DGKD: variants seen among roughly 807,000 people sequenced by gnomAD.
The protein encoded by DGKD is diacylglycerol kinase delta.
A neutral mutation model predicts 154.4 loss-of-function variants in DGKD; 68 were observed. The ratio of observed to expected loss-of-function variants is 0.44; its 90% CI spans 0.36 to 0.54. The LOEUF (loss-of-function observed/expected upper bound fraction) is 0.54, where lower values mean the gene tolerates loss of function less well. DGKD is among the 20% of genes least tolerant of loss of function. The pLI is 0.00. For synonymous variants in DGKD, 693 were observed against 638.0 expected (o/e 1.09, Z -1.30); for missense variants, 1,343 against 1,593.6 (o/e 0.84, Z 2.68).
intron 3 of DGKD, among the ~76,000 whole-genome samples, chr2:233,425,483 G>A (rs1431458351): frequency 6.6e-6 from 1 of 152,088 alleles, no homozygotes; most frequent in Non-Finnish European, 1.5e-5. Context: ...CACTGTGCCC[G>A]GCCGACTTTA....
In DGKD at chr2:233,449,150, C is replaced by T. The variant is rs1313138989; in HGVS notation, c.1662C>T (p.Asp554=). 10 of 1,609,344 alleles carry T rather than the reference C, an allele frequency of 6.2e-6. No individual in the cohort carries two copies. Among genetic ancestry groups the T allele is most frequent in the South Asian group, 3.3e-5 (3 of 91,016 alleles). Residue 554 remains aspartate, a synonymous_variant, in exon 15 of 30, where the codon GAC becomes GAT. Transcript: ENST00000264057. The surrounding 1 kb of genome is among the most constrained non-coding windows in gnomAD (Gnocchi z 5.3). ...EKLDSLLKTL[D]DESQASSSLP... ...TGGATTCCCTTCTCAAGACCTTGGA[C>T]GATGAGTCCCAGGCCTCGTCCTCTC...
In DGKD at chr2:233,469,734, A is replaced by C; in HGVS notation, c.*274A>C. The C allele has an allele frequency of 2.3e-6, 1 of 440,008 alleles. No individual in the cohort carries two copies. Among genetic ancestry groups the C allele is most frequent in the Non-Finnish European group, 4.1e-6 (1 of 241,546 alleles). 27.3% of individuals were successfully genotyped at this position (440,008 alleles called of 1,614,324 possible). Reference sequence around the variant, plus strand: ...CACCTGGGGCACATGTGTCACGGCCACTCAGCTCTCGCCCGCCTGTGCTGT... The same window carrying C: ...CACCTGGGGCACATGTGTCACGGCCCCTCAGCTCTCGCCCGCCTGTGCTGT... On this transcript the variant is annotated 3_prime_UTR_variant, in exon 30 of 30. Transcript: ENST00000264057.
rs571781555 is a variant in DGKD at position 233,456,322 on chromosome 2, G to A, written c.2376-577G>A. ...CTGAGGATGGCCACATCTGCAGAGAGCGTGTGGCCACAGAAGGAAGCATTG... is the reference window on the plus strand; with the variant it reads ...CTGAGGATGGCCACATCTGCAGAGAACGTGTGGCCACAGAAGGAAGCATTG... On this transcript the variant is annotated intron_variant, in intron 19 of 29. Transcript: ENST00000264057. Among the ~76,000 whole-genome samples the A allele has an allele frequency of 5.3e-5, 8 of 152,362 alleles. No individual in the cohort carries two copies. In the East Asian group the frequency reaches 1.5e-3, roughly 29 times the overall value.
intron 27 of DGKD, among the ~76,000 whole-genome samples, chr2:233,466,764 A>G (rs1355633807): frequency 6.6e-6 from 1 of 152,240 alleles, no homozygotes. Flanking sequence ...AGGTTATTTT[A>G]ATAATTTTTG....
At chr2:233,393,431 G>A (rs886389080) in intron 3 of DGKD, among the ~76,000 whole-genome samples, 2 of 144,698 alleles carry the variant, frequency 1.4e-5, no homozygotes, top group Non-Finnish European at 3.0e-5. Context: ...CTTCTTCCTG[G>A]GTTAAAGTGA....
chr2:233,429,306 T>C (rs2062427730), intron 3 of DGKD: 1 of 985,100 alleles, frequency 1.0e-6, no homozygotes, highest in Non-Finnish European at 1.2e-6. Flanking sequence ...CAGTAAGGTA[T>C]ATTATCTTTC....
In DGKD at chr2:233,438,937, T is replaced by C. The variant is rs899121957; in HGVS notation, c.1085+558T>C. Among the ~76,000 whole-genome samples, 9 of 152,362 alleles carry C rather than the reference T, an allele frequency of 5.9e-5. No homozygotes were observed. Among genetic ancestry groups the C allele is most frequent in the South Asian group, 2.1e-4 (1 of 4,830 alleles). On this transcript the variant is annotated intron_variant, in intron 9 of 29. Coordinates refer to ENST00000264057, the MANE Select transcript of DGKD (RefSeq NM_152879.3). This position sits in a 1 kb window ranked among gnomAD's most constrained non-coding sequence, Gnocchi z 4.1. ...GAGAGGCACAGGAGGCCGCTCGGTG[T>C]GCAGGTGCTGCAAGGCAGGAACACG... is the stretch of plus-strand genomic sequence containing the variant.
At position 233,457,025 on chromosome 2, in the gene DGKD, G is replaced by T. The variant is rs1263466012; in HGVS notation, c.2472+30G>T. 1 of 1,565,724 alleles carries T rather than the reference G, an allele frequency of 6.4e-7. No homozygotes were observed. Among genetic ancestry groups the T allele is most frequent in the African/African-American group, 1.4e-5 (1 of 73,968 alleles). On this transcript the variant is annotated intron_variant, in intron 20 of 29. Coordinates refer to ENST00000264057, the MANE Select transcript of DGKD (RefSeq NM_152879.3). The surrounding 1 kb of genome is among the most constrained non-coding windows in gnomAD (Gnocchi z 5.5). ...GTGGGAGGGTCCTTGTCACCTGCAG[G>T]CTGGCCTCCATCCATCAGCAGACTG... is the stretch of plus-strand genomic sequence containing the variant.
chr2:233,363,848 G>T (rs1214483263), intron 1 of DGKD, among the ~76,000 whole-genome samples: 1 of 152,208 alleles, frequency 6.6e-6, no homozygotes, highest in African/African-American at 2.4e-5. Flanking sequence ...AGAGCAATAG[G>T]TCATGCCATA....
intron 9 of DGKD, among the ~76,000 whole-genome samples, chr2:233,439,030 T>A (rs997063779): frequency 2.6e-5 from 4 of 152,264 alleles, no homozygotes; most frequent in African/African-American, 9.6e-5. Context: ...ACTGTTCCTC[T>A]GCTTGCTGGA....
rs1265761351 is a variant in DGKD at position 233,448,299 on chromosome 2, A to T, written c.1538A>T (p.Asp513Val). 1.2e-6 allele frequency: 2 copies of T among 1,613,964 alleles called. No individual in the cohort carries two copies. Among genetic ancestry groups the T allele is most frequent in the Non-Finnish European group, 1.7e-6 (2 of 1,179,982 alleles). ...SAKVLCETVKDFVARVGKAYE... is the reference protein window; with the variant it reads ...SAKVLCETVKVFVARVGKAYE... Reference sequence around the variant, plus strand: ...AGAGTGCTCTGTGAGACGGTGAAGGACTTCGTGGCACGGGTGGGGAAGGCC... The same window carrying T: ...AGAGTGCTCTGTGAGACGGTGAAGGTCTTCGTGGCACGGGTGGGGAAGGCC... Residue 513 changes from aspartate (D) to valine (V), a missense_variant, in exon 14 of 30, where the codon GAC (aspartate) becomes GTC (valine). By Grantham distance (152) the Asp-to-Val change is radical. Around this residue, in one of 6 missense-constraint regions of DGKD, gnomAD observed 409 missense variants for 446.0 expected, o/e 0.92. Coordinates refer to ENST00000264057, the MANE Select transcript of DGKD (RefSeq NM_152879.3).
At chr2:233,391,039 C>T (rs1285152764) in intron 3 of DGKD, among the ~76,000 whole-genome samples, 4 of 152,196 alleles carry the variant, frequency 2.6e-5, no homozygotes, top group Admixed American at 6.5e-5. Flanking sequence ...TGCTGGTTCA[C>T]ATCTTACTAC....
intron 18 of DGKD, 141 bp from the exon 19 acceptor site, chr2:233,454,622 A>G (rs1208709623): frequency 9.8e-6 from 6 of 611,844 alleles, no homozygotes; most frequent in Non-Finnish European, 1.5e-5. Context: ...TATCTAGTGT[A>G]TATCTTAATA....
At chr2:233,365,729 C>A (rs1701992862) in intron 1 of DGKD, among the ~76,000 whole-genome samples, 1 of 152,174 alleles carries the variant, frequency 6.6e-6, no homozygotes, top group Non-Finnish European at 1.5e-5. Flanking sequence ...AGAATTAAGC[C>A]AGGATCAATA....
Position 233,470,882 on chromosome 2 carries a change from G to A in DGKD, c.*1422G>A, listed in dbSNP as rs990790786. 11 of 149,790 alleles carry A rather than the reference G, an allele frequency of 7.3e-5. No individual in the cohort carries two copies. The highest frequency in any genetic ancestry group is 2.5e-4 in the African/African-American group (10 of 40,678). 9.3% of individuals were successfully genotyped at this position (149,790 alleles called of 1,614,324 possible). ...TTTGGCTCCCAAAGAGAAGGACAGT[G>A]TTGGGAGTATCTGCCGGCGCTGTCC... is the stretch of plus-strand genomic sequence containing the variant. On this transcript the variant is annotated 3_prime_UTR_variant, in exon 30 of 30. Coordinates refer to ENST00000264057, the MANE Select transcript of DGKD (RefSeq NM_152879.3).
intron 3 of DGKD, among the ~76,000 whole-genome samples, chr2:233,394,977 C>G (rs779717748): frequency 6.6e-6 from 1 of 152,124 alleles, no homozygotes; most frequent in East Asian, 1.9e-4. Context: ...GTTGGTATTA[C>G]AGGCATGAGC....
intron 14 of DGKD, 141 bp downstream of exon 14, chr2:233,448,516 G>A: frequency 1.4e-6 from 1 of 723,488 alleles, no homozygotes; most frequent in East Asian, 2.7e-5. Flanking sequence ...AGTAAAGGAA[G>A]ACAAGAATGA....
In DGKD at chr2:233,354,736, G is replaced by A; in HGVS notation, c.156+62G>A. 2 of 947,408 alleles carry A rather than the reference G, an allele frequency of 2.1e-6. No individual in the cohort carries two copies. Among genetic ancestry groups the A allele is most frequent in the Non-Finnish European group, 2.5e-6 (2 of 798,568 alleles). 58.7% of individuals were successfully genotyped at this position (947,408 alleles called of 1,614,324 possible). ...TCACGCCGCGGCAGCCCCGGCCGAG[G>A]CCCGTGGCCCTGCCCGAGCGGCCGC... On this transcript the variant is annotated intron_variant, in intron 1 of 29. Transcript: ENST00000264057. This position sits in a 1 kb window ranked among gnomAD's most constrained non-coding sequence, Gnocchi z 4.8.
At chr2:233,426,150 CTG>C (rs1317718672) in intron 3 of DGKD, among the ~76,000 whole-genome samples, 2 of 152,214 alleles carry the variant, frequency 1.3e-5, no homozygotes, top group Non-Finnish European at 2.9e-5. Flanking sequence ...ATTTCTAACA[CTG>C]TTTTAACATA....
Sources: gnomAD v4.1 joint callset for allele counts (sites outside exome capture counted in the v4.1 genomes callset) on GRCh38, gnomAD v4.1.1 for gene constraint, gnomAD v4.1.1 regional missense constraint, Gnocchi (gnomAD v3.1) non-coding constraint, MANE v1.5 for transcripts, NCBI Gene and HGNC (gene_info 2026-07-23, HGNC 2026-07-21) for gene names.